ACOX3: variants seen among roughly 807,000 people sequenced by gnomAD.
ACOX3 encodes the protein acyl-CoA oxidase 3, pristanoyl.
ACOX3 carries 73 observed loss-of-function variants against 81.5 expected under a neutral mutation model. The ratio of observed to expected loss-of-function variants is 0.90; its 90% CI spans 0.74 to 1.09. ACOX3 has a LOEUF of 1.09. Ranked by LOEUF, ACOX3 falls within the 50% of genes least tolerant of loss-of-function variation. ACOX3 has a pLI of 0.00. For synonymous variants in ACOX3, 387 were observed against 375.1 expected (o/e 1.03, Z -0.37); for missense variants, 947 against 928.0 (o/e 1.02, Z -0.27).
chr4:8,405,980 G>C lies in ACOX3; in HGVS notation c.751C>G (p.Leu251Val), dbSNP rs893455921. ...GVMVGDIGKK[L>V]GQNGLDNGFA... ...CCATTATCCAGACCGTTCTGCCCGA[G>C]TTTTTTTCCTATGTCGCCAACCATC... Residue 251 changes from leucine (L) to valine (V), a missense_variant, in exon 7 of 18, where the codon CTC becomes GTC. By Grantham distance (32) the Leu-to-Val change is conservative (BLOSUM62 1). Transcript: ENST00000356406. The surrounding 1 kb of genome is among the most constrained non-coding windows in gnomAD (Gnocchi z 7.1). 6.2e-7 allele frequency: 1 copy of C among 1,614,032 alleles called. No homozygotes were observed. Among genetic ancestry groups the C allele is most frequent in the African/African-American group, 1.3e-5 (1 of 74,922 alleles).
intron 14 of ACOX3, among the ~76,000 whole-genome samples, chr4:8,380,081 G>C (rs982686309): frequency 6.6e-6 from 1 of 152,186 alleles, no homozygotes. Flanking sequence ...GCCTGTTCTG[G>C]AAGGGTCACT....
At chr4:8,433,813 G>T (rs1300584761) in intron 1 of ACOX3, among the ~76,000 whole-genome samples, 1 of 152,158 alleles carries the variant, frequency 6.6e-6, no homozygotes, top group Non-Finnish European at 1.5e-5. Flanking sequence ...TTTTACTAGA[G>T]ATTCTGCAGA....
In ACOX3 at chr4:8,381,939, G is replaced by A. The variant is rs1375320638; in HGVS notation, c.1538-332C>T. 6.6e-6 allele frequency among the ~76,000 whole-genome samples: 1 copy of A among 152,242 alleles called. No individual in the cohort carries two copies. The highest frequency in any genetic ancestry group is 1.9e-4 in the East Asian group (1 of 5,192). ...GTGGGACGGCTGCACGTTCTCGCAC[G>A]CACCAGGCTCGGTCTGTGTGAAGCG... On this transcript the variant is annotated intron_variant, in intron 13 of 17. Coordinates refer to ENST00000356406, the MANE Select transcript of ACOX3 (RefSeq NM_003501.3). This position sits in a 1 kb window ranked among gnomAD's most constrained non-coding sequence, Gnocchi z 4.3.
At chr4:8,393,641 A>ATG (rs780295010) in intron 10 of ACOX3, among the ~76,000 whole-genome samples, 14 of 52,940 alleles carry the variant, frequency 2.6e-4, no homozygotes, top group Non-Finnish European at 5.6e-4. Flanking sequence ...ACACACGCAC[A>ATG]CACACACACA....
At chr4:8,367,246 G>A (rs977109492) in intron 17 of ACOX3, among the ~76,000 whole-genome samples, 166 bp from the exon 18 acceptor site, 1 of 152,180 alleles carries the variant, frequency 6.6e-6, no homozygotes, top group Non-Finnish European at 1.5e-5. Flanking sequence ...TTGGGAGGCC[G>A]AGGTAGGCAG....
At position 8,416,509 on chromosome 4, in the gene ACOX3, C is replaced by A. The variant is rs951255686; in HGVS notation, c.13G>T (p.Val5Leu). ...AGCAGAGCTGTGTCGCCTCCTTCCA[C>A]AGTGGATGCCATCGCGTGATAAGAG... MAST[V>L]EGGDTALLPE... The change falls in exon 2 of 18, where the codon GTG (valine) becomes TTG (leucine). Residue 5 changes from valine (V) to leucine (L), a missense_variant. By Grantham distance (32) the Val-to-Leu change is conservative. Transcript: ENST00000356406. The surrounding 1 kb of genome is among the most constrained non-coding windows in gnomAD (Gnocchi z 4.2). The A allele has an allele frequency of 1.2e-6, 2 of 1,607,630 alleles. No individual in the cohort carries two copies. Among genetic ancestry groups the A allele is most frequent in the Non-Finnish European group, 1.7e-6 (2 of 1,176,264 alleles).
intron 13 of ACOX3, among the ~76,000 whole-genome samples, chr4:8,388,213 C>G (rs903775022): frequency 3.3e-5 from 5 of 152,240 alleles, no homozygotes; most frequent in Admixed American, 3.3e-4. Context: ...AAGGTGGTCA[C>G]CAGCCACGCT....
At position 8,389,334 on chromosome 4, in the gene ACOX3, CA is replaced by C. The variant is rs1258401503; in HGVS notation, c.1424-49del. The stretch of plus-strand genomic sequence containing the variant: ...TTTGGTGGAAGACAGGAACCCAAAC[CA>C]TTGGGAACCCCAAGCTGGGGGCACC... On this transcript the variant is annotated intron_variant, in intron 12 of 17. Transcript: ENST00000356406. The surrounding 1 kb of genome is among the most constrained non-coding windows in gnomAD (Gnocchi z 5.3). 2.6e-6 allele frequency: 4 copies of C among 1,553,448 alleles called. No homozygotes were observed. In the Admixed American group the frequency reaches 5.4e-5, roughly 21 times the overall value.
rs776708314 is a variant in ACOX3 at position 8,366,760 on chromosome 4, G to A, written c.*201C>T. Reference sequence around the variant, plus strand: ...TTTCTTTTCCACGCTGCAAATCACCGCGATCCCAGATTAGTCCAGCCGGCC... The same window carrying A: ...TTTCTTTTCCACGCTGCAAATCACCACGATCCCAGATTAGTCCAGCCGGCC... On this transcript the variant is annotated 3_prime_UTR_variant, in exon 18 of 18. Coordinates refer to ENST00000356406, the MANE Select transcript of ACOX3 (RefSeq NM_003501.3). 10 of 550,860 alleles carry A rather than the reference G, an allele frequency of 1.8e-5. No homozygotes were observed. Among genetic ancestry groups the A allele is most frequent in the Non-Finnish European group, 3.1e-5 (10 of 322,408 alleles). 34.1% of individuals were successfully genotyped at this position (550,860 alleles called of 1,614,324 possible).
intron 9 of ACOX3, among the ~76,000 whole-genome samples, chr4:8,395,363 C>T (rs1258374721): frequency 3.9e-5 from 3 of 76,662 alleles, no homozygotes; most frequent in South Asian, 4.3e-4. Context: ...TGGGTGGATG[C>T]GTGGACAGGT....
In ACOX3 at chr4:8,381,091, C is replaced by T. The variant is rs947950197; in HGVS notation, c.1653+401G>A. Among the ~76,000 whole-genome samples the T allele has an allele frequency of 3.3e-5, 5 of 152,188 alleles. No individual in the cohort carries two copies. The highest frequency in any genetic ancestry group is 3.2e-3 in the Middle Eastern group (1 of 316). On this transcript the variant is annotated intron_variant, in intron 14 of 17. Coordinates refer to ENST00000356406, the MANE Select transcript of ACOX3 (RefSeq NM_003501.3). This position sits in a 1 kb window ranked among gnomAD's most constrained non-coding sequence, Gnocchi z 4.3. ...ACTCACCATTGCCACCCCAGCCCCT[C>T]GGGAAGGCGAGAGCAACTTGTGGAA... is the stretch of plus-strand genomic sequence containing the variant.
chr4:8,421,844 T>C (rs1722980743), intron 1 of ACOX3, among the ~76,000 whole-genome samples: 1 of 152,126 alleles, frequency 6.6e-6, no homozygotes, highest in East Asian at 1.9e-4. Flanking sequence ...GCTAGGAGGA[T>C]TGCTCTCCCA....
intron 5 of ACOX3, among the ~76,000 whole-genome samples, chr4:8,410,699 G>C (rs532402462): frequency 1.8e-4 from 27 of 152,178 alleles, no homozygotes; most frequent in Non-Finnish European, 3.7e-4. Context: ...TGTGCACTGT[G>C]GGCGGGGCTG....
the ACOX3 span, chr4:8,358,110 C>T: frequency 6.6e-6 from 1 of 152,242 alleles, no homozygotes; most frequent in Non-Finnish European, 1.5e-5. Context: ...TCACATGACA[C>T]ATAGTAGCCC....
intron 13 of ACOX3, among the ~76,000 whole-genome samples, chr4:8,388,513 C>T (rs544713372): frequency 6.6e-6 from 1 of 152,382 alleles, no homozygotes; most frequent in South Asian, 2.1e-4. Context: ...CCAGCACGGC[C>T]AGGCGCCTCA....
In ACOX3 at chr4:8,399,407, A is replaced by G; in HGVS notation, c.873+149T>C. Reference sequence around the variant, plus strand: ...AGAGTCCCCTTCTAGCGGGAGCACCAGAACCCGAGCCAGGAGAAGTATGCC... The same window carrying G: ...AGAGTCCCCTTCTAGCGGGAGCACCGGAACCCGAGCCAGGAGAAGTATGCC... On this transcript the variant is annotated intron_variant, in intron 8 of 17. Coordinates refer to ENST00000356406, the MANE Select transcript of ACOX3 (RefSeq NM_003501.3). This position sits in a 1 kb window ranked among gnomAD's most constrained non-coding sequence, Gnocchi z 4.9. The G allele has an allele frequency of 1.5e-6, 1 of 664,822 alleles. No homozygotes were observed. The highest frequency in any genetic ancestry group is 1.9e-5 in the South Asian group (1 of 51,344). The allele number at this position is 664,822 out of a possible 1,614,324, so 41.2% of individuals were successfully genotyped here. A position where few individuals can be genotyped will look rare whatever the true frequency, so the allele number is the denominator to read the frequency against.
At chr4:8,397,150 G>A (rs1467612678) in intron 8 of ACOX3, 31 bp from the exon 9 acceptor site, 2 of 1,510,046 alleles carry the variant, frequency 1.3e-6, no homozygotes, top group East Asian at 4.8e-5. Flanking sequence ...ATAAGCTCAA[G>A]CCCGGCTGCG....
At chr4:8,409,104 A>G (rs116411927) in intron 6 of ACOX3, among the ~76,000 whole-genome samples, 59 of 152,354 alleles carry the variant, frequency 3.9e-4, no homozygotes, top group African/African-American at 1.4e-3. Flanking sequence ...TAACCTTACA[A>G]TGAAAAAAAT....
chr4:8,395,654 C>T (rs1341672566), intron 9 of ACOX3, among the ~76,000 whole-genome samples: 2 of 150,530 alleles, frequency 1.3e-5, no homozygotes, highest in African/African-American at 5.0e-5. Flanking sequence ...ACACAGCCAG[C>T]TGGGGGTGGA....
Sources: allele counts gnomAD v4.1 joint callset (sites outside exome capture counted in the v4.1 genomes callset), GRCh38; gene constraint gnomAD v4.1.1; non-coding constraint Gnocchi (gnomAD v3.1); transcripts MANE v1.5; gene names NCBI Gene and HGNC (gene_info 2026-07-23, HGNC 2026-07-21).